The following MAML2 variants were observed in gnomAD, a reference collection of about 807,000 sequenced individuals.
The protein encoded by MAML2 is mastermind-like protein 2.
Under a neutral mutation model 96.1 loss-of-function variants are expected in MAML2, and 22 were observed. The ratio of observed to expected loss-of-function variants is 0.23; its 90% CI spans 0.16 to 0.33. The LOEUF (loss-of-function observed/expected upper bound fraction) is 0.33. Ranked by LOEUF, MAML2 falls within the 10% of genes least tolerant of loss-of-function variation. The pLI, the probability that MAML2 is intolerant of heterozygous loss-of-function variation, is 1.00. For missense variants in MAML2, 1,367 were observed against 1,392.4 expected, an observed-to-expected ratio of 0.98 and a Z score of 0.29; for synonymous variants, 561 against 521.3, an observed-to-expected ratio of 1.08 and a Z score of -1.04.
At chr11:96,228,771 A>G (rs1470590763) in intron 1 of MAML2, among the ~76,000 whole-genome samples, 2 of 152,094 alleles carry the variant, frequency 1.3e-5, no homozygotes, top group Non-Finnish European at 2.9e-5. Flanking sequence ...TGTGAATTCC[A>G]TTGTGGTGAT....
intron 1 of MAML2, among the ~76,000 whole-genome samples, chr11:96,134,663 T>C (rs1860599200): frequency 6.6e-6 from 1 of 152,236 alleles, no homozygotes; most frequent in Non-Finnish European, 1.5e-5. Flanking sequence ...AATTTTATAA[T>C]AATATTCTCT....
Position 95,976,782 on chromosome 11 carries a change from G to A in MAML2, c.*2166C>T, listed in dbSNP as rs957047510. ...AGCTGACTCACAGGAGTGTAACTGGGAAGTGCTGGCAGATATATACAGTAA... is the reference window on the plus strand; with the variant it reads ...AGCTGACTCACAGGAGTGTAACTGGAAAGTGCTGGCAGATATATACAGTAA... On this transcript the variant is annotated 3_prime_UTR_variant, in exon 5 of 5. Transcript: ENST00000524717. The A allele has an allele frequency of 3.8e-5, 7 of 184,796 alleles. No individual in the cohort carries two copies. Among genetic ancestry groups the A allele is most frequent in the African/African-American group, 1.6e-4 (7 of 42,670 alleles). The allele number at this position is 184,796 out of a possible 1,614,324, so 11.4% of individuals were successfully genotyped here. A position where few individuals can be genotyped will look rare whatever the true frequency, so the allele number is the denominator to read the frequency against.
rs552409009 is a variant in MAML2 at position 96,237,726 on chromosome 11, A to G, written c.513+103657T>C. Among the ~76,000 whole-genome samples the G allele has an allele frequency of 3.3e-5, 5 of 152,362 alleles. No individual in the cohort carries two copies. In the East Asian group the frequency reaches 9.6e-4, roughly 29 times the overall value. ...TGTATTGAATCTGGCTGTGGATACA[A>G]CACATTCGGAAAACTACATAATCTT... On this transcript the variant is annotated intron_variant, in intron 1 of 4. Transcript: ENST00000524717.
intron 2 of MAML2, among the ~76,000 whole-genome samples, chr11:96,084,569 G>GT (rs1859578029): frequency 1.3e-5 from 2 of 152,278 alleles, no homozygotes; most frequent in African/African-American, 4.8e-5. Flanking sequence ...AACTCCAGCG[G>GT]CTACATGTCC....
intron 1 of MAML2, among the ~76,000 whole-genome samples, chr11:96,236,863 G>A (rs1862373372): frequency 6.6e-6 from 1 of 152,084 alleles, no homozygotes; most frequent in Non-Finnish European, 1.5e-5. Flanking sequence ...ATATAGTTTG[G>A]CTGGCAGCTT....
chr11:96,119,776 C>T (rs917392816), intron 1 of MAML2, among the ~76,000 whole-genome samples: 2 of 152,110 alleles, frequency 1.3e-5, no homozygotes, highest in African/African-American at 4.8e-5. Flanking sequence ...CACAGTGCCT[C>T]GTTTCTTTCA....
intron 1 of MAML2, among the ~76,000 whole-genome samples, chr11:96,122,723 G>C (rs746226369): frequency 6.6e-6 from 1 of 152,316 alleles, no homozygotes; most frequent in Non-Finnish European, 1.5e-5. Context: ...TGCAACCACA[G>C]ATTCCAGCCA....
intron 1 of MAML2, among the ~76,000 whole-genome samples, chr11:96,277,239 T>C (rs1863002952): frequency 6.6e-6 from 1 of 152,164 alleles, no homozygotes; most frequent in African/African-American, 2.4e-5. Context: ...TTTTTTTTTC[T>C]TTTATTGATA....
At chr11:96,195,588 C>T (rs897374461) in intron 1 of MAML2, among the ~76,000 whole-genome samples, 2 of 152,176 alleles carry the variant, frequency 1.3e-5, no homozygotes, top group African/African-American at 4.8e-5. Flanking sequence ...TGCTACGAAA[C>T]ATACAGGCAG....
intron 1 of MAML2, among the ~76,000 whole-genome samples, chr11:96,232,768 G>A (rs541397282): frequency 6.6e-6 from 1 of 152,312 alleles, no homozygotes; most frequent in East Asian, 1.9e-4. Context: ...CACCGCGCCC[G>A]GCCAAGGAGG....
intron 1 of MAML2, among the ~76,000 whole-genome samples, chr11:96,315,178 G>A (rs1863611849): frequency 2.0e-5 from 3 of 151,932 alleles, no homozygotes; most frequent in Non-Finnish European, 2.9e-5. Context: ...GACAATGTCT[G>A]ATCCCAATTC....
Position 96,093,216 on chromosome 11 carries a change from G to A in MAML2, c.815C>T (p.Thr272Ile). Residue 272 changes from threonine to isoleucine, a missense_variant, in exon 2 of 5, where the codon ACT becomes ATT. Thr to Ile is a moderately conservative substitution (Grantham distance 89). Coordinates refer to ENST00000524717, the MANE Select transcript of MAML2 (RefSeq NM_032427.4). ...LKEVKKEPGE[T>I]LSCSKHMDGQ... is the part of the protein sequence containing the mutation. ...ATCCATGTGCTTACTGCAAGACAGA[G>A]TCTCTCCTGGCTCCTTCTTTACCTC... is the stretch of plus-strand genomic sequence containing the variant. 1.2e-6 allele frequency: 2 copies of A among 1,614,018 alleles called. No individual in the cohort carries two copies. Among genetic ancestry groups the A allele is most frequent in the Admixed American group, 1.7e-5 (1 of 60,022 alleles).
At chr11:96,259,859 G>A (rs1168277926) in intron 1 of MAML2, among the ~76,000 whole-genome samples, 1 of 151,812 alleles carries the variant, frequency 6.6e-6, no homozygotes, top group African/African-American at 2.4e-5. Flanking sequence ...CTAGAGGAAG[G>A]TGTCTTTAAT....
intron 1 of MAML2, among the ~76,000 whole-genome samples, chr11:96,174,040 G>T (rs989039995): frequency 6.6e-6 from 1 of 152,184 alleles, no homozygotes; most frequent in African/African-American, 2.4e-5. Context: ...ACAAAAGGCG[G>T]CAACAGAATC....
At chr11:96,055,466 T>C (rs1859050382) in intron 2 of MAML2, among the ~76,000 whole-genome samples, 1 of 152,110 alleles carries the variant, frequency 6.6e-6, no homozygotes, top group Non-Finnish European at 1.5e-5. Flanking sequence ...GAAGTGAGGG[T>C]AAATGAATAC....
intron 2 of MAML2, among the ~76,000 whole-genome samples, chr11:96,043,430 T>C (rs552890210): frequency 6.6e-6 from 1 of 152,340 alleles, no homozygotes; most frequent in Non-Finnish European, 1.5e-5. Context: ...AAAAAAACTC[T>C]GCCATCTGGG....
chr11:96,053,772 T>G (rs1859022553), intron 2 of MAML2, among the ~76,000 whole-genome samples: 1 of 152,226 alleles, frequency 6.6e-6, no homozygotes, highest in Non-Finnish European at 1.5e-5. Context: ...GACATTCTCC[T>G]TAGCGGTGGC....
chr11:96,130,619 C>T (rs993233001), intron 1 of MAML2, among the ~76,000 whole-genome samples: 2 of 152,178 alleles, frequency 1.3e-5, no homozygotes, highest in Admixed American at 1.3e-4. Context: ...GCCATTCTTA[C>T]ACTCAAGGCT....
intron 1 of MAML2, among the ~76,000 whole-genome samples, chr11:96,177,282 A>G (rs1445448344): frequency 6.6e-6 from 1 of 152,200 alleles, no homozygotes; most frequent in Non-Finnish European, 1.5e-5. Flanking sequence ...TAAATGGGAA[A>G]AATATGTTCT....
Sources: gnomAD v4.1 joint callset for allele counts (sites outside exome capture counted in the v4.1 genomes callset) on GRCh38, gnomAD v4.1.1 for gene constraint, MANE v1.5 for transcripts, NCBI Gene and HGNC (gene_info 2026-07-23, HGNC 2026-07-21) for gene names.